Variants in TTN observed in about 807,000 individuals in gnomAD.
The protein encoded by TTN is connectin.
TTN carries 1,525 observed loss-of-function variants against 3,223.0 expected under a neutral mutation model. The ratio of observed to expected loss-of-function variants is 0.47; its 90% CI spans 0.45 to 0.49. TTN has a LOEUF of 0.49. Among genes scored for constraint, TTN ranks in the 20% least tolerant of loss-of-function variants. TTN has a pLI of 0.00. For missense variants in TTN, 40,786 were observed against 43,424.0 expected (o/e 0.94, Z 5.40); for synonymous variants, 14,094 against 15,161.0 (o/e 0.93, Z 5.17).
In TTN at chr2:178,640,640, AAGATT is replaced by A. The variant is rs375561641; in HGVS notation, c.40634-15_40634-11del. ...GGTGGTGGTTCTGGTACTTTAAGAT[AAGATT>A]ATTTTTTCAGTGTTAATATTTGAAT... On this transcript the variant is annotated splice_polypyrimidine_tract_variant and intron_variant, in intron 220 of 362. Coordinates refer to ENST00000589042, the MANE Select transcript of TTN (RefSeq NM_001267550.2). The A allele has an allele frequency of 3.8e-4, 601 of 1,561,488 alleles. No homozygotes were observed. The highest frequency in any genetic ancestry group is 4.9e-4 in the Non-Finnish European group (565 of 1,159,550).
intron 213 of TTN, 97 bp downstream of exon 213, chr2:178,649,151 A>T: frequency 1.0e-6 from 1 of 960,274 alleles, no homozygotes; most frequent in Non-Finnish European, 1.5e-6. Context: ...ATATGGTTTT[A>T]ACATAAATTC....
intron 58 of TTN, 35 bp from the exon 59 acceptor site, chr2:178,731,618 C>A: frequency 6.4e-7 from 1 of 1,573,712 alleles, no homozygotes; most frequent in Non-Finnish European, 8.6e-7. Flanking sequence ...CAATATTATC[C>A]CTATAGCAAA....
At position 178,694,784 on chromosome 2, in the gene TTN, C is replaced by T. The variant is rs1313450105; in HGVS notation, c.31348+45G>A. The stretch of plus-strand genomic sequence containing the variant: ...ACTAATGTGAGTATAGATCAGTAAA[C>T]ATATTACTTGTGTACATGGGTGCTA... On this transcript the variant is annotated intron_variant, in intron 116 of 362. Transcript: ENST00000589042. 9 of 1,510,430 alleles carry T rather than the reference C, an allele frequency of 6.0e-6. No individual in the cohort carries two copies. The Admixed American group carries it at 1.4e-4, about 23-fold the overall frequency. 93.6% of individuals were successfully genotyped at this position (1,510,430 alleles called of 1,614,324 possible). A position where few individuals can be genotyped will look rare whatever the true frequency, so the allele number is the denominator to read the frequency against.
intron 119 of TTN, among the ~76,000 whole-genome samples, chr2:178,693,067 G>A (rs1049622152): frequency 2.0e-5 from 3 of 151,964 alleles, no homozygotes; most frequent in African/African-American, 7.3e-5. Context: ...GGCTGTCAAG[G>A]TGATGTCATT....
At position 178,577,385 on chromosome 2, in the gene TTN, C is replaced by T; in HGVS notation, c.68950G>A (p.Ala22984Thr). Reference protein sequence around the residue: ...KPLPKSSWSKAGKDIRPSDIT... With the variant: ...KPLPKSSWSKTGKDIRPSDIT... Reference sequence around the variant, plus strand: ...TCTGATGGTCTAATGTCTTTTCCTGCCTTGGACCAACTTGATTTTGGAAGG... The same window carrying T: ...TCTGATGGTCTAATGTCTTTTCCTGTCTTGGACCAACTTGATTTTGGAAGG... Residue 22984 changes from alanine (A) to threonine (T), a missense_variant, in exon 324 of 363, where the codon GCA (alanine) becomes ACA (threonine). Transcript: ENST00000589042. 3 of 1,612,734 alleles carry T rather than the reference C, an allele frequency of 1.9e-6. No homozygotes were observed. Among genetic ancestry groups the T allele is most frequent in the East Asian group, 2.2e-5 (1 of 44,724 alleles).
Position 178,569,576 on chromosome 2 carries a change from A to T in TTN, c.76556T>A (p.Ile25519Asn), listed in dbSNP as rs376185524. The T allele has an allele frequency of 1.9e-6, 3 of 1,612,850 alleles. No individual in the cohort carries two copies. The highest frequency in any genetic ancestry group is 2.5e-6 in the Non-Finnish European group (3 of 1,179,446). Residue 25519 changes from isoleucine (I) to asparagine (N), a missense_variant, in exon 326 of 363, where the codon ATC becomes AAC. Ile to Asn is a moderately radical substitution (Grantham distance 149). Transcript: ENST00000589042. Reference protein sequence around the residue: ...DIDLDLELRKIINIRAGGSLR... With the variant: ...DIDLDLELRKNINIRAGGSLR... ...GGAGCCACCTGCCCTTATATTTATG[A>T]TTTTCCTTAGTTCTAGGTCAAGATC...
chr2:178,671,033 G>A (rs1466465610), intron 156 of TTN, 57 bp downstream of exon 156: 19 of 1,343,384 alleles, frequency 1.4e-5, no homozygotes, highest in Non-Finnish European at 2.0e-5. Flanking sequence ...TGCTTATAAA[G>A]CAACCAAGGT....
At chr2:178,648,069 T>A (rs2062306866) in intron 213 of TTN, among the ~76,000 whole-genome samples, 1 of 152,122 alleles carries the variant, frequency 6.6e-6, no homozygotes, top group Non-Finnish European at 1.5e-5. Flanking sequence ...AGACCTTAAA[T>A]AATTGCAATG....
Position 178,799,616 on chromosome 2 carries a change from T to C in TTN, c.785A>G (p.Lys262Arg), listed in dbSNP as rs2093949350. Residue 262 changes from lysine (K) to arginine (R), a missense_variant, in exon 6 of 363, where the codon AAG becomes AGG. By Grantham distance (26) the Lys-to-Arg change is conservative. Transcript: ENST00000589042. ...KTPPRIPPKP[K>R]SRSPTPPSIA... is the part of the protein sequence containing the mutation. ...AGACGGTGGTGTTGGGGATCTTGAC[T>C]TTGGCTTCGGAGGAATCCTGGGAGG... is the stretch of plus-strand genomic sequence containing the variant. 6.2e-7 allele frequency: 1 copy of C among 1,614,012 alleles called. No individual in the cohort carries two copies. Among genetic ancestry groups the C allele is most frequent in the Non-Finnish European group, 8.5e-7 (1 of 1,180,020 alleles).
rs1193616870 is a variant in TTN at position 178,613,055 on chromosome 2, C to T, written c.49666G>A (p.Gly16556Arg). The stretch of plus-strand genomic sequence containing the variant: ...CCTACATCTTTTACAGTTGGTTTTC[C>T]AGGGGGCCATGGAGGATCTGCAAGC... ...KDPIDPPWPP[G>R]KPTVKDVGKT... Residue 16556 changes from glycine to arginine, a missense_variant, in exon 265 of 363, where the codon GGA (glycine) becomes AGA (arginine). Gly to Arg is a moderately radical substitution (Grantham distance 125). Coordinates refer to ENST00000589042, the MANE Select transcript of TTN (RefSeq NM_001267550.2). 6.2e-7 allele frequency: 1 copy of T among 1,612,532 alleles called. No homozygotes were observed. The highest frequency in any genetic ancestry group is 8.5e-7 in the Non-Finnish European group (1 of 1,179,154).
rs773097101 is a variant in TTN at position 178,681,157 on chromosome 2, T to C, written c.33262A>G (p.Lys11088Glu). Reference sequence around the variant, plus strand: ...CGTATTTTTTCCTCAAAAACTTTCTTTGGTTCTTCAGGCACTTTAAAGATA... The same window carrying C: ...CGTATTTTTTCCTCAAAAACTTTCTCTGGTTCTTCAGGCACTTTAAAGATA... ...PPPPKVPEEP[K>E]KVFEEKIRIS... The change falls in exon 138 of 363, where the codon AAG (lysine) becomes GAG (glutamate). Residue 11088 changes from lysine (K) to glutamate (E), a missense_variant. Transcript: ENST00000589042. The C allele has an allele frequency of 8.1e-6, 13 of 1,602,702 alleles. No homozygotes were observed. In the African/African-American group the frequency reaches 1.5e-4, roughly 18 times the overall value.
rs1212312801 is a variant in TTN at position 178,740,367 on chromosome 2, G to C, written c.12866C>G (p.Pro4289Arg). 6.2e-7 allele frequency: 1 copy of C among 1,613,514 alleles called. No homozygotes were observed. The highest frequency in any genetic ancestry group is 8.5e-7 in the Non-Finnish European group (1 of 1,179,742). Residue 4289 changes from proline to arginine, a missense_variant, in exon 48 of 363, where the codon CCC (proline) becomes CGC (arginine). Physicochemically the swap from Pro to Arg is moderately radical, Grantham distance 103. Coordinates refer to ENST00000589042, the MANE Select transcript of TTN (RefSeq NM_001267550.2). The part of the protein sequence containing the change: ...DVMISQVNYE[P>R]LVPSEHSCTE... ...GCATGAGTGTTCTGAAGGGACTAGG[G>C]GCTCATAGTTTACCTGAGAGATCAT...
At position 178,676,606 on chromosome 2, in the gene TTN, AGACT is replaced by A. The variant is rs2068115325; in HGVS notation, c.34378+591_34378+594del. On this transcript the variant is annotated intron_variant, in intron 147 of 362. Transcript: ENST00000589042. The stretch of plus-strand genomic sequence containing the variant: ...CTCACCATAATAGCTGAGCCCATTA[AGACT>A]GATATTAGCATCCCCAATTTACAGG... Among the ~76,000 whole-genome samples the A allele has an allele frequency of 2.6e-5, 4 of 151,990 alleles. No homozygotes were observed. In the South Asian group the frequency reaches 8.3e-4, roughly 31 times the overall value.
At chr2:178,750,841 T>A in intron 47 of TTN, 1 of 1,613,228 alleles carries the variant, frequency 6.2e-7, no homozygotes, top group Non-Finnish European at 8.5e-7. Context: ...TAGTGATATA[T>A]GTGGATGACT....
In TTN at chr2:178,567,300, G is replaced by C. The variant is rs1235411503; in HGVS notation, c.78832C>G (p.Pro26278Ala). The change falls in exon 326 of 363, where the codon CCA becomes GCA. Residue 26278 changes from proline (P) to alanine (A), a missense_variant. Coordinates refer to ENST00000589042, the MANE Select transcript of TTN (RefSeq NM_001267550.2). ...ASNVAGSKSF[P>A]VNVKVLDRPG... The stretch of plus-strand genomic sequence containing the variant: ...CTATCTAATACTTTTACATTTACTG[G>C]GAATGACTTAGAACCTGCAACATTG... 1 of 1,606,982 alleles carries C rather than the reference G, an allele frequency of 6.2e-7. No individual in the cohort carries two copies. The highest frequency in any genetic ancestry group is 1.7e-5 in the Admixed American group (1 of 58,788).
intron 350 of TTN, 59 bp from the exon 351 acceptor site, chr2:178,540,429 T>G: frequency 2.9e-6 from 4 of 1,372,516 alleles, no homozygotes; most frequent in Non-Finnish European, 4.0e-6. Flanking sequence ...AAATTAGCTG[T>G]GCCACCTAAC....
At chr2:178,587,049 G>T (rs2049162903) in intron 307 of TTN, 69 bp downstream of exon 307, 1 of 1,567,880 alleles carries the variant, frequency 6.4e-7, no homozygotes, top group Non-Finnish European at 8.7e-7. Flanking sequence ...GATTAAAATG[G>T]TATTAGTATC....
At chr2:178,793,153 T>C (rs970699292) in intron 9 of TTN, among the ~76,000 whole-genome samples, 2 of 152,214 alleles carry the variant, frequency 1.3e-5, no homozygotes, top group African/African-American at 4.8e-5. Flanking sequence ...CAGATCAATG[T>C]GATGAGACCC....
rs77419653 is a variant in TTN, at chr2:178,748,537, C to T, written c.11311+4587G>A. ...GAGCTGGATCTCCTATATGAGAATACATTTGTTTTAGATCAAATACAATGT... is the reference window on the plus strand; with the variant it reads ...GAGCTGGATCTCCTATATGAGAATATATTTGTTTTAGATCAAATACAATGT... On this transcript the variant is annotated intron_variant, in intron 47 of 362. Coordinates refer to ENST00000589042, the MANE Select transcript of TTN (RefSeq NM_001267550.2). The T allele has an allele frequency of 2.6e-3, 4,196 of 1,612,976 alleles. 69 individuals are homozygous for T. The highest frequency in any genetic ancestry group is 0.024 in the East Asian group (1,055 of 44,816).
Sources: allele counts gnomAD v4.1 joint callset (sites outside exome capture counted in the v4.1 genomes callset), GRCh38; gene constraint gnomAD v4.1.1; transcripts MANE v1.5; gene names NCBI Gene and HGNC (gene_info 2026-07-23, HGNC 2026-07-21).